Variants in SLC25A26 observed in about 807,000 individuals in gnomAD.
SLC25A26 encodes the protein mitochondrial S-adenosylmethionine carrier protein.
A neutral mutation model predicts 37.8 loss-of-function variants in SLC25A26; 36 were observed. That is an observed-to-expected ratio of 0.95 (90% CI 0.73 to 1.26). SLC25A26 has a LOEUF of 1.26. Ranked by LOEUF, SLC25A26 falls within the 50% of genes most tolerant of loss-of-function variation. The probability of loss-of-function intolerance (pLI) is 0.00; values close to 1 mark genes in which losing one functional copy is unlikely to be tolerated. For missense variants in SLC25A26, 390 were observed against 331.1 expected (o/e 1.18, Z -1.38); for synonymous variants, 129 against 122.5 (o/e 1.05, Z -0.35).
At chr3:66,162,730 C>A (rs1225382004) in intron 1 of SLC25A26, among the ~76,000 whole-genome samples, 1 of 152,188 alleles carries the variant, frequency 6.6e-6, no homozygotes, top group African/African-American at 2.4e-5. Flanking sequence ...TAGCATGAGT[C>A]CTGCAGATGC....
intron 5 of SLC25A26, among the ~76,000 whole-genome samples, chr3:66,265,980 A>T (rs1313491490): frequency 6.6e-6 from 1 of 152,258 alleles, no homozygotes; most frequent in Non-Finnish European, 1.5e-5. Flanking sequence ...ATACAAACAG[A>T]TAAAACACAT....
intron 5 of SLC25A26, among the ~76,000 whole-genome samples, chr3:66,337,254 C>T (rs2076111095): frequency 6.6e-6 from 1 of 152,108 alleles, no homozygotes; most frequent in Non-Finnish European, 1.5e-5. Flanking sequence ...TCACACTGGG[C>T]ATTTTCTAAG....
At chr3:66,141,050 G>GACAC (rs35140096) in intron 1 of SLC25A26, among the ~76,000 whole-genome samples, 7 of 148,530 alleles carry the variant, frequency 4.7e-5, no homozygotes, top group East Asian at 4.0e-4. Flanking sequence ...ATAGAAACAG[G>GACAC]ACACACACAC....
intron 7 of SLC25A26, among the ~76,000 whole-genome samples, chr3:66,363,714 G>T (rs542562634): frequency 6.6e-6 from 1 of 152,156 alleles, no homozygotes; most frequent in Non-Finnish European, 1.5e-5. Context: ...GGGAGGTTTA[G>T]GGTGTTAACT....
chr3:66,218,373 G>A (rs1291925032), upstream of SLC25A26, among the ~76,000 whole-genome samples: 3 of 152,146 alleles, frequency 2.0e-5, no homozygotes, highest in African/African-American at 7.2e-5. Context: ...TTTTATAATG[G>A]TTGTACCATA....
chr3:66,297,149 A>T (rs1360495438), intron 5 of SLC25A26, among the ~76,000 whole-genome samples: 1 of 151,950 alleles, frequency 6.6e-6, no homozygotes, highest in Non-Finnish European at 1.5e-5. Flanking sequence ...ACATGATGAA[A>T]CCCCTATCTC....
upstream of SLC25A26, among the ~76,000 whole-genome samples, chr3:66,216,073 G>A (rs979779105): frequency 6.6e-6 from 1 of 152,156 alleles, no homozygotes; most frequent in Non-Finnish European, 1.5e-5. Flanking sequence ...CTTCTTTTAC[G>A]AAGACTTTAG....
chr3:66,209,333 G>A (rs977113298), intron 1 of SLC25A26, among the ~76,000 whole-genome samples: 8 of 135,348 alleles, frequency 5.9e-5, no homozygotes, highest in Non-Finnish European at 1.2e-4. Flanking sequence ...CTATATGTAT[G>A]TATATATACA....
At chr3:66,208,692 G>GTATATA (rs1209909748) in intron 1 of SLC25A26, among the ~76,000 whole-genome samples, 12 of 125,022 alleles carry the variant, frequency 9.6e-5, no homozygotes, top group African/African-American at 2.7e-4. Flanking sequence ...ATTTATATGG[G>GTATATA]TATATATATA....
chr3:66,315,406 C>A (rs2075509529), intron 5 of SLC25A26, among the ~76,000 whole-genome samples: 1 of 152,128 alleles, frequency 6.6e-6, no homozygotes, highest in African/African-American at 2.4e-5. Flanking sequence ...GCAGGTTGTT[C>A]AATTTCCATA....
intron 5 of SLC25A26, among the ~76,000 whole-genome samples, chr3:66,263,937 C>T (rs1224101495): frequency 2.6e-5 from 4 of 151,994 alleles, no homozygotes; most frequent in South Asian, 2.1e-4. Context: ...GGATTACAGG[C>T]GTGAGTCGCC....
Position 66,377,912 on chromosome 3 carries a change from C to A in SLC25A26, c.*105C>A. On this transcript the variant is annotated 3_prime_UTR_variant, in exon 10 of 10. Coordinates refer to ENST00000354883, the MANE Select transcript of SLC25A26 (RefSeq NM_001379210.1). ...AACTATAGGCCCCAGTGCTGAAGAC[C>A]AGTTGTGCTAAGATACCGGCATGGA... 2 of 856,500 alleles carry A rather than the reference C, an allele frequency of 2.3e-6. No homozygotes were observed. Among genetic ancestry groups the A allele is most frequent in the Non-Finnish European group, 3.8e-6 (2 of 524,292 alleles). The allele number at this position is 856,500 out of a possible 1,614,324, so 53.1% of individuals were successfully genotyped here. A position where few individuals can be genotyped will look rare whatever the true frequency, so the allele number is the denominator to read the frequency against.
chr3:66,320,198 C>G (rs967097806), intron 5 of SLC25A26, among the ~76,000 whole-genome samples: 1 of 152,120 alleles, frequency 6.6e-6, no homozygotes, highest in African/African-American at 2.4e-5. Flanking sequence ...ACCATGATCA[C>G]TATTTCTAAA....
intron 3 of SLC25A26, among the ~76,000 whole-genome samples, chr3:66,253,430 A>G (rs1313877293): frequency 2.0e-5 from 3 of 151,764 alleles, no homozygotes; most frequent in Non-Finnish European, 4.4e-5. Context: ...TTGAGGTGGA[A>G]AGAGTTTTCT....
At chr3:66,139,188 C>T (rs2069996207) in intron 1 of SLC25A26, among the ~76,000 whole-genome samples, 3 of 152,052 alleles carry the variant, frequency 2.0e-5, no homozygotes, top group South Asian at 2.1e-4. Context: ...ACCTTCTGTG[C>T]CACCCCGCCC....
intron 3 of SLC25A26, among the ~76,000 whole-genome samples, chr3:66,249,989 A>T (rs2073017473): frequency 6.6e-6 from 1 of 152,146 alleles, no homozygotes; most frequent in Admixed American, 6.5e-5. Flanking sequence ...CTGTCTGTTG[A>T]CTTTTTCAAA....
intron 1 of SLC25A26, among the ~76,000 whole-genome samples, chr3:66,182,928 G>C (rs556805141): frequency 1.3e-5 from 2 of 152,210 alleles, no homozygotes; most frequent in South Asian, 2.1e-4. Flanking sequence ...TAAGAGCCAG[G>C]GTTCTTCAGG....
At chr3:66,208,746 G>GGGTA (rs2071217386) in intron 1 of SLC25A26, among the ~76,000 whole-genome samples, 9 of 69,534 alleles carry the variant, frequency 1.3e-4, no homozygotes, top group African/African-American at 3.6e-4. Flanking sequence ...TTATATGGGT[G>GGGTA]TATATATATA....
intron 1 of SLC25A26, among the ~76,000 whole-genome samples, chr3:66,138,777 G>A (rs915008820): frequency 1.3e-5 from 2 of 152,078 alleles, no homozygotes; most frequent in Non-Finnish European, 2.9e-5. Flanking sequence ...ACGGGCATCG[G>A]TTCCTTGGCA....
Sources: gnomAD v4.1 joint callset for allele counts (sites outside exome capture counted in the v4.1 genomes callset) on GRCh38, gnomAD v4.1.1 for gene constraint, MANE v1.5 for transcripts, NCBI Gene and HGNC (gene_info 2026-07-23, HGNC 2026-07-21) for gene names.